EYA1: variants seen among roughly 807,000 people sequenced by gnomAD.
The protein encoded by EYA1 is protein phosphatase EYA1.
In EYA1, 16 loss-of-function variants were observed where a neutral mutation model predicts 82.0. The ratio of observed to expected loss-of-function variants is 0.20; its 90% CI spans 0.13 to 0.30. The LOEUF is 0.30. Ranked by LOEUF, EYA1 falls within the 10% of genes least tolerant of loss-of-function variation. The pLI, the probability that EYA1 is intolerant of heterozygous loss-of-function variation, is 1.00. For missense variants in EYA1, 633 were observed against 730.7 expected (o/e 0.87, Z 1.54); for synonymous variants, 261 against 264.4 (o/e 0.99, Z 0.12).
At chr8:71,534,559 C>T (rs1439250071) in intron 2 of EYA1, among the ~76,000 whole-genome samples, 1 of 152,156 alleles carries the variant, frequency 6.6e-6, no homozygotes, top group African/African-American at 2.4e-5. Context: ...GTAAAACATA[C>T]ATTTAAAGGA....
chr8:71,525,121 T>C (rs1438079888), intron 2 of EYA1, among the ~76,000 whole-genome samples: 2 of 152,220 alleles, frequency 1.3e-5, no homozygotes, highest in African/African-American at 2.4e-5. Flanking sequence ...GGCTCAGAGA[T>C]GATCAGAGAT....
intron 11 of EYA1, among the ~76,000 whole-genome samples, chr8:71,254,260 A>G (rs1045238245): frequency 6.6e-6 from 1 of 150,502 alleles, no homozygotes; most frequent in Non-Finnish European, 1.5e-5. Context: ...AAAAAAAAAA[A>G]AAAAAAAAGA....
At chr8:71,286,258 C>A (rs539712993) in intron 9 of EYA1, among the ~76,000 whole-genome samples, 2 of 152,332 alleles carry the variant, frequency 1.3e-5, no homozygotes, top group Admixed American at 6.5e-5. Context: ...CCTCACAGAA[C>A]TGCTCACTGA....
At chr8:71,500,877 T>C (rs2129237466) in intron 2 of EYA1, among the ~76,000 whole-genome samples, 1 of 152,294 alleles carries the variant, frequency 6.6e-6, no homozygotes, top group African/African-American at 2.4e-5. Flanking sequence ...CAGCCAAATC[T>C]TCATAATCTT....
intron 2 of EYA1, among the ~76,000 whole-genome samples, chr8:71,469,809 C>T (rs1022816747): frequency 6.6e-6 from 1 of 152,016 alleles, no homozygotes; most frequent in Non-Finnish European, 1.5e-5. Context: ...AGGGTAGATA[C>T]ATGATCTTGG....
chr8:71,504,552 A>G (rs2129241283), intron 2 of EYA1, among the ~76,000 whole-genome samples: 1 of 152,304 alleles, frequency 6.6e-6, no homozygotes, highest in Non-Finnish European at 1.5e-5. Context: ...AAGTGATACA[A>G]AATATGACAC....
At chr8:71,312,214 C>T (rs903344376) in intron 7 of EYA1, among the ~76,000 whole-genome samples, 8 of 152,128 alleles carry the variant, frequency 5.3e-5, no homozygotes, top group African/African-American at 1.2e-4. Flanking sequence ...AACGATCAAG[C>T]CTGCCCTTCA....
intron 2 of EYA1, among the ~76,000 whole-genome samples, chr8:71,524,639 T>C (rs1813678367): frequency 6.6e-6 from 1 of 152,222 alleles, no homozygotes; most frequent in African/African-American, 2.4e-5. Context: ...TGAGTATTTC[T>C]AAACATCAGA....
intron 2 of EYA1, among the ~76,000 whole-genome samples, chr8:71,430,418 T>A (rs1805533935): frequency 6.6e-6 from 1 of 152,124 alleles, no homozygotes; most frequent in Admixed American, 6.5e-5. Context: ...TATACTTGAG[T>A]ACAAAGATTA....
At chr8:71,336,583 C>T (rs779043560) in intron 3 of EYA1, among the ~76,000 whole-genome samples, 7 of 152,130 alleles carry the variant, frequency 4.6e-5, no homozygotes, top group African/African-American at 1.2e-4. Context: ...TTAGCTTAAT[C>T]GAATGTAGCC....
chr8:71,485,500 A>G (rs989645499), intron 2 of EYA1, among the ~76,000 whole-genome samples: 2 of 152,202 alleles, frequency 1.3e-5, no homozygotes, highest in Non-Finnish European at 2.9e-5. Flanking sequence ...TAAATCATGT[A>G]AAAAGAACGG....
At chr8:71,379,583 T>C (rs1828575671) in intron 2 of EYA1, among the ~76,000 whole-genome samples, 1 of 152,110 alleles carries the variant, frequency 6.6e-6, no homozygotes, top group Non-Finnish European at 1.5e-5. Context: ...ATGTGAAAAA[T>C]AAAGTTACCC....
chr8:71,397,890 A>G (rs1005637459), intron 2 of EYA1, among the ~76,000 whole-genome samples: 2 of 152,178 alleles, frequency 1.3e-5, no homozygotes, highest in South Asian at 2.1e-4. Context: ...GTGTTTTCCA[A>G]CTTGGTTCCA....
At chr8:71,262,346 C>T (rs2380717) in intron 11 of EYA1, among the ~76,000 whole-genome samples, 17,707 of 152,184 alleles carry the variant, frequency 0.12, 1,104 homozygotes, top group African/African-American at 0.13. Context: ...ATTTCTGCCA[C>T]TTGTAATTCT....
chr8:71,322,134 G>A (rs2129032004), intron 5 of EYA1, 65 bp downstream of exon 5: 1 of 1,358,610 alleles, frequency 7.4e-7, no homozygotes, highest in Non-Finnish European at 1.1e-6. Flanking sequence ...GCACAGACAT[G>A]ACTTTAAATA....
chr8:71,317,465 A>C, intron 7 of EYA1, 87 bp downstream of exon 7: 13 of 1,387,482 alleles, frequency 9.4e-6, no homozygotes, highest in Non-Finnish European at 1.2e-5. Flanking sequence ...ATCATCATTT[A>C]CTATTTACAT....
chr8:71,238,726 T>C (rs1156649194), intron 12 of EYA1, among the ~76,000 whole-genome samples: 1 of 152,114 alleles, frequency 6.6e-6, no homozygotes, highest in East Asian at 1.9e-4. Context: ...TCTTCAGTCT[T>C]CTACATATCA....
intron 2 of EYA1, among the ~76,000 whole-genome samples, chr8:71,440,280 T>C (rs1385907973): frequency 6.6e-6 from 1 of 152,156 alleles, no homozygotes; most frequent in Non-Finnish European, 1.5e-5. Context: ...GGACAGCCAT[T>C]GGCCGGTTTT....
intron 2 of EYA1, among the ~76,000 whole-genome samples, chr8:71,426,847 CT>C (rs1345311020): frequency 6.6e-6 from 1 of 152,048 alleles, no homozygotes; most frequent in Non-Finnish European, 1.5e-5. Flanking sequence ...AGAAAAATGG[CT>C]TTTTATGTAT....
Sources: gnomAD v4.1 joint callset for allele counts (sites outside exome capture counted in the v4.1 genomes callset) on GRCh38, gnomAD v4.1.1 for gene constraint, MANE v1.5 for transcripts, NCBI Gene and HGNC (gene_info 2026-07-23, HGNC 2026-07-21) for gene names.